The following SPRED2 variants were observed in gnomAD, a reference collection of about 807,000 sequenced individuals.
The protein encoded by SPRED2 is sprouty related EVH1 domain containing 2.
In SPRED2, 47 loss-of-function variants were observed where a neutral mutation model predicts 43.0. That is an observed-to-expected ratio of 1.09 (90% CI 0.87 to 1.40). SPRED2 has a LOEUF of 1.40. SPRED2 is among the 40% of genes most tolerant of loss of function. The probability of loss-of-function intolerance (pLI) is 0.00; values close to 1 mark genes in which losing one functional copy is unlikely to be tolerated. For missense variants in SPRED2, 561 were observed against 586.4 expected, an observed-to-expected ratio of 0.96 and a Z score of 0.45; for synonymous variants, 225 against 225.7, an observed-to-expected ratio of 1.00 and a Z score of 0.03.
intron 1 of SPRED2, among the ~76,000 whole-genome samples, chr2:65,360,100 CAAAAAAAAAAAA>C (rs57801875): frequency 1.2e-3 from 124 of 103,234 alleles, no homozygotes; most frequent in African/African-American, 3.8e-3. Flanking sequence ...AAAAAAAAAA[CAAAAAAAAAAAA>C]AACAAAGACC....
chr2:65,363,171 G>A (rs1174272752), intron 1 of SPRED2, among the ~76,000 whole-genome samples: 2 of 148,900 alleles, frequency 1.3e-5, no homozygotes, highest in Admixed American at 1.3e-4. Flanking sequence ...CTTGGGAGGC[G>A]TAGGTTGCAG....
chr2:65,321,200 C>T (rs772554058), intron 4 of SPRED2, among the ~76,000 whole-genome samples: 1 of 152,126 alleles, frequency 6.6e-6, no homozygotes, highest in Non-Finnish European at 1.5e-5. Context: ...TCAGAGTGGG[C>T]GTTTAATGTC....
Position 65,332,011 on chromosome 2 carries a change from C to G in SPRED2, c.414G>C (p.Glu138Asp), listed in dbSNP as rs1673826910. 2 of 1,609,930 alleles carry G rather than the reference C, an allele frequency of 1.2e-6. No individual in the cohort carries two copies. The highest frequency in any genetic ancestry group is 4.5e-5 in the East Asian group (2 of 44,764). Residue 138 changes from glutamate to aspartate, a missense_variant, in exon 4 of 6, where the codon GAG becomes GAC. Coordinates refer to ENST00000356388, the MANE Select transcript of SPRED2 (RefSeq NM_181784.3). ...CTGTAAAAACGTCATCATCGCCAAG[C>G]TCAGCTTCATTATGGATGGTGGAAG... is the stretch of plus-strand genomic sequence containing the variant. Reference protein sequence around the residue: ...TSSSTIHNEAELGDDDVFTTA... With the variant: ...TSSSTIHNEADLGDDDVFTTA...
chr2:65,431,843 A>G, intron 1 of SPRED2, 119 bp downstream of exon 1: 1 of 1,235,996 alleles, frequency 8.1e-7, no homozygotes, highest in Non-Finnish European at 1.2e-6. Flanking sequence ...CCGAAAGGTC[A>G]GCGAGTCGCT....
At chr2:65,349,083 C>CGG (rs1674432300) in intron 1 of SPRED2, among the ~76,000 whole-genome samples, 1 of 151,940 alleles carries the variant, frequency 6.6e-6, no homozygotes, top group African/African-American at 2.4e-5. Flanking sequence ...CTGAGGCGGC[C>CGG]GGATCATGAG....
chr2:65,372,060 G>A (rs1675137146), intron 1 of SPRED2, among the ~76,000 whole-genome samples: 1 of 151,972 alleles, frequency 6.6e-6, no homozygotes, highest in Non-Finnish European at 1.5e-5. Context: ...AAGACAGAGC[G>A]AGACTGTCTC....
In SPRED2 at chr2:65,380,419, A is replaced by G. The variant is rs536844933; in HGVS notation, c.27-35523T>C. Among the ~76,000 whole-genome samples, 47 of 152,312 alleles carry G rather than the reference A, an allele frequency of 3.1e-4. 1 individual carries two copies. In the South Asian group the frequency reaches 7.9e-3, roughly 26 times the overall value. On this transcript the variant is annotated intron_variant, in intron 1 of 5. Transcript: ENST00000356388. ...CTGGCGTTCCAGAGACGCTGTCAGA[A>G]GTCAAAAGCTGTCTGGAACCTTTCT...
Position 65,314,097 on chromosome 2 carries a change from C to T in SPRED2, c.661G>A (p.Glu221Lys), listed in dbSNP as rs752893751. ...DEEIVRINPR[E>K]KIWMTGYEDY... ...TCGTACCCCGTCATCCAGATCTTCT[C>T]CCGGGGGTTGATGCGCACGATCTCC... The change falls in exon 6 of 6, where the codon GAG becomes AAG. Residue 221 changes from glutamate to lysine, a missense_variant. By Grantham distance (56) the Glu-to-Lys change is moderately conservative. Transcript: ENST00000356388. The T allele has an allele frequency of 6.2e-7, 1 of 1,613,386 alleles. No individual in the cohort carries two copies. Among genetic ancestry groups the T allele is most frequent in the Non-Finnish European group, 8.5e-7 (1 of 1,179,350 alleles).
chr2:65,342,014 G>A (rs992719980), intron 2 of SPRED2, among the ~76,000 whole-genome samples: 1 of 151,686 alleles, frequency 6.6e-6, no homozygotes, highest in Non-Finnish European at 1.5e-5. Context: ...ATGCAAGAGG[G>A]CATACACATG....
intron 1 of SPRED2, among the ~76,000 whole-genome samples, chr2:65,426,078 C>T (rs1249261662): frequency 1.3e-5 from 2 of 152,212 alleles, no homozygotes; most frequent in East Asian, 3.8e-4. Flanking sequence ...ATTGTTAATA[C>T]TGTGATTTCT....
chr2:65,355,254 A>G (rs901777181), intron 1 of SPRED2, among the ~76,000 whole-genome samples: 2 of 152,192 alleles, frequency 1.3e-5, no homozygotes, highest in Non-Finnish European at 2.9e-5. Flanking sequence ...GTATCTGTGC[A>G]GCAGATAAAT....
intron 4 of SPRED2, among the ~76,000 whole-genome samples, chr2:65,331,559 CT>C (rs1008569476): frequency 7.2e-5 from 11 of 152,202 alleles, no homozygotes; most frequent in Non-Finnish European, 1.3e-4. Flanking sequence ...GCTTTCCCCC[CT>C]GATGCCAGGG....
intron 1 of SPRED2, among the ~76,000 whole-genome samples, chr2:65,399,815 TG>T: frequency 6.6e-6 from 1 of 152,240 alleles, no homozygotes. Context: ...TTTGGGGACT[TG>T]GGGGAAAGGG....
chr2:65,399,383 CTTTT>C (rs34672484), intron 1 of SPRED2, among the ~76,000 whole-genome samples: 10 of 125,370 alleles, frequency 8.0e-5, no homozygotes, highest in South Asian at 2.5e-4. Flanking sequence ...AACTATTATT[CTTTT>C]TTTTTTTTTT....
In SPRED2 at chr2:65,432,055, G is replaced by T; in HGVS notation, c.-68C>A. ...GCTCCCTTCATCTTCCTGTCCGCTC[G>T]CCCCCCTTCTTCACATCTCCGGAGA... is the stretch of plus-strand genomic sequence containing the variant. On this transcript the variant is annotated 5_prime_UTR_variant, in exon 1 of 6. Coordinates refer to ENST00000356388, the MANE Select transcript of SPRED2 (RefSeq NM_181784.3). The T allele has an allele frequency of 1.3e-6, 2 of 1,597,584 alleles. No individual in the cohort carries two copies. The highest frequency in any genetic ancestry group is 3.4e-5 in the Admixed American group (2 of 59,588).
chr2:65,326,166 T>A (rs1414455208), intron 4 of SPRED2, among the ~76,000 whole-genome samples: 1 of 152,192 alleles, frequency 6.6e-6, no homozygotes, highest in African/African-American at 2.4e-5. Context: ...ACTAAGGCAA[T>A]ATTCTTCCTT....
intron 1 of SPRED2, among the ~76,000 whole-genome samples, chr2:65,419,577 TTGTGTGTGTGTG>T (rs10541896): frequency 0.15 from 22,940 of 148,906 alleles, 2,017 homozygotes; most frequent in Non-Finnish European, 0.18. Context: ...GGGATTATAG[TTGTGTGTGTGTG>T]TGTGTGTGTG....
At chr2:65,429,998 G>C (rs1676641102) in intron 1 of SPRED2, among the ~76,000 whole-genome samples, 1 of 152,192 alleles carries the variant, frequency 6.6e-6, no homozygotes, top group Non-Finnish European at 1.5e-5. Flanking sequence ...AGCCAGGTCA[G>C]GCCTGTATTC....
Position 65,313,729 on chromosome 2 carries a change from C to T in SPRED2, c.1029G>A (p.Met343Ile). The T allele has an allele frequency of 6.2e-7, 1 of 1,614,220 alleles. No homozygotes were observed. Among genetic ancestry groups the T allele is most frequent in the Non-Finnish European group, 8.5e-7 (1 of 1,180,038 alleles). The change falls in exon 6 of 6, where the codon ATG becomes ATA. Residue 343 changes from methionine to isoleucine, a missense_variant. Physicochemically the swap from Met to Ile is conservative, Grantham distance 10. This residue lies in a region of SPRED2 where 164 missense variants were observed against 164.1 expected (regional missense o/e 1.00). Transcript: ENST00000356388. Reference protein sequence around the residue: ...VRTCIRRVSCMWCADSMLYHC... With the variant: ...VRTCIRRVSCIWCADSMLYHC... ...GATAGAGCATGCTGTCCGCGCACCA[C>T]ATGCAGCTCACCCGGCGGATGCAAG...
Sources: gnomAD v4.1 joint callset for allele counts (sites outside exome capture counted in the v4.1 genomes callset) on GRCh38, gnomAD v4.1.1 for gene constraint, gnomAD v4.1.1 regional missense constraint, MANE v1.5 for transcripts, NCBI Gene and HGNC (gene_info 2026-07-23, HGNC 2026-07-21) for gene names.